Variants in PVT1 observed in about 807,000 individuals in gnomAD.
PVT1 encodes Pvt1 oncogene.
chr8:127,874,257 T>C (rs541923463), intron 2 of PVT1, among the ~76,000 whole-genome samples: 26 of 152,272 alleles, frequency 1.7e-4, no homozygotes, highest in African/African-American at 5.8e-4. Context: ...GGGGCAGCAG[T>C]GGATTCAGCT....
chr8:127,834,851 C>A (rs1814892370), intron 2 of PVT1, among the ~76,000 whole-genome samples: 1 of 152,170 alleles, frequency 6.6e-6, no homozygotes. Flanking sequence ...AAAAACAACT[C>A]ATCATTACTG....
chr8:128,097,051 A>G (rs1563686086), intron 6 of PVT1, among the ~76,000 whole-genome samples: 1 of 152,202 alleles, frequency 6.6e-6, no homozygotes, highest in Non-Finnish European at 1.5e-5. Flanking sequence ...CCTTTAGTCT[A>G]GATCAGGGGT....
chr8:127,843,636 G>A (rs986451418), intron 2 of PVT1, among the ~76,000 whole-genome samples: 2 of 151,656 alleles, frequency 1.3e-5, no homozygotes, highest in African/African-American at 4.8e-5. Flanking sequence ...TAGTGGAGAC[G>A]CGGTTTCACC....
intron 3 of PVT1, among the ~76,000 whole-genome samples, chr8:127,937,564 C>CAA (rs1816291356): frequency 8.4e-6 from 1 of 118,772 alleles, no homozygotes; most frequent in African/African-American, 3.0e-5. Context: ...CACACACACA[C>CAA]ACACACACAC....
intron 3 of PVT1, among the ~76,000 whole-genome samples, chr8:127,986,804 T>C (rs1816975214): frequency 6.6e-6 from 1 of 152,204 alleles, no homozygotes; most frequent in South Asian, 2.1e-4. Context: ...TTTCCTTAAT[T>C]TCCATGGAAC....
intron 4 of PVT1, among the ~76,000 whole-genome samples, chr8:128,063,791 A>G (rs1242985499): frequency 6.6e-6 from 1 of 152,180 alleles, no homozygotes; most frequent in Non-Finnish European, 1.5e-5. Context: ...GTCGATTTTG[A>G]CTATAGTTAA....
At chr8:127,868,935 G>A (rs1815322413) in intron 2 of PVT1, among the ~76,000 whole-genome samples, 1 of 150,888 alleles carries the variant, frequency 6.6e-6, no homozygotes, top group South Asian at 2.1e-4. Flanking sequence ...TTGGTATTCA[G>A]GAGTTGCTTC....
At chr8:128,013,987 A>AT (rs1817343537) in intron 4 of PVT1, among the ~76,000 whole-genome samples, 1 of 152,176 alleles carries the variant, frequency 6.6e-6, no homozygotes, top group Non-Finnish European at 1.5e-5. Context: ...AACTATAGAC[A>AT]CGTATATGAG....
chr8:127,895,497 G>T (rs1815664086), intron 3 of PVT1, among the ~76,000 whole-genome samples: 2 of 149,432 alleles, frequency 1.3e-5, no homozygotes, highest in African/African-American at 2.5e-5. Flanking sequence ...ATAAATAAAA[G>T]ATAATATTAC....
At chr8:128,011,984 G>C (rs757131270) in intron 4 of PVT1, among the ~76,000 whole-genome samples, 3 of 152,156 alleles carry the variant, frequency 2.0e-5, no homozygotes, top group Admixed American at 6.6e-5. Flanking sequence ...ACTGTGATGC[G>C]ACCCCATAAG....
At chr8:127,906,308 G>A (rs1212771895) in intron 3 of PVT1, among the ~76,000 whole-genome samples, 1 of 152,088 alleles carries the variant, frequency 6.6e-6, no homozygotes, top group African/African-American at 2.4e-5. Flanking sequence ...TGCTGCTTGC[G>A]GGGTTAATTA....
chr8:128,031,971 G>GTGA (rs1032352640), intron 4 of PVT1, among the ~76,000 whole-genome samples: 8 of 152,012 alleles, frequency 5.3e-5, no homozygotes, highest in African/African-American at 7.3e-5. Context: ...CAACCATGTC[G>GTGA]TGATGATGAT....
intron 4 of PVT1, among the ~76,000 whole-genome samples, chr8:128,044,635 A>G (rs555130194): frequency 7.9e-5 from 12 of 152,330 alleles, no homozygotes; most frequent in African/African-American, 2.9e-4. Context: ...AAATAAAGGT[A>G]ATAATGCTTA....
chr8:127,962,518 G>A (rs1816656393), intron 3 of PVT1, among the ~76,000 whole-genome samples: 1 of 152,204 alleles, frequency 6.6e-6, no homozygotes, highest in Non-Finnish European at 1.5e-5. Context: ...GACAGGGCTA[G>A]GGGTTACCAT....
chr8:127,906,953 CTTTTTTT>C (rs561274568), intron 3 of PVT1, among the ~76,000 whole-genome samples: 3 of 132,692 alleles, frequency 2.3e-5, no homozygotes, highest in Non-Finnish European at 4.9e-5. Flanking sequence ...GGCACTCTCT[CTTTTTTT>C]TTTTTTTTTT....
intron 3 of PVT1, among the ~76,000 whole-genome samples, chr8:127,986,965 A>C (rs552821071): frequency 5.9e-5 from 9 of 152,238 alleles, no homozygotes. Context: ...GGGACAGGAC[A>C]TCAGCTTGCA....
intron 2 of PVT1, among the ~76,000 whole-genome samples, chr8:127,851,621 A>C (rs1026883649): frequency 6.6e-6 from 1 of 152,146 alleles, no homozygotes; most frequent in African/African-American, 2.4e-5. Flanking sequence ...AGACTGAGTC[A>C]CTGCAGGAGT....
intron 2 of PVT1, among the ~76,000 whole-genome samples, chr8:127,863,110 A>G (rs866618641): frequency 1.5e-5 from 2 of 134,786 alleles, no homozygotes; most frequent in Admixed American, 1.5e-4. Flanking sequence ...TTATTTATTT[A>G]TTTATTTATT....
rs569619889 is a variant in PVT1, at chr8:128,003,097, G to C, written n.912+13806G>C. 7.6e-4 allele frequency among the ~76,000 whole-genome samples: 114 copies of C among 149,138 alleles called. 1 individual carries two copies. The highest frequency in any genetic ancestry group is 2.6e-3 in the African/African-American group (104 of 40,552). ...GCTGCAACCTCCATCTCCCAGGCAG[G>C]TTCAAGTAATTCTCCTGCCTAAGCC... On this transcript the variant is annotated intron_variant and non_coding_transcript_variant, in intron 4 of 10. Coordinates refer to ENST00000651587, the Ensembl canonical transcript of PVT1.
Sources: allele counts gnomAD v4.1 joint callset (sites outside exome capture counted in the v4.1 genomes callset), GRCh38; gene constraint gnomAD v4.1.1; transcripts MANE v1.5; gene names NCBI Gene and HGNC (gene_info 2026-07-23, HGNC 2026-07-21).